Variants in RLIM observed in about 807,000 individuals in gnomAD.
RLIM encodes ring finger protein, LIM domain interacting, also known as E3 ubiquitin-protein ligase RLIM.
RLIM carries 2 observed loss-of-function variants against 34.0 expected under a neutral mutation model. The observed-to-expected ratio is 0.06, with a 90% CI of 0.02 to 0.19. The LOEUF is 0.19. Ranked by LOEUF, RLIM falls within the 10% of genes least tolerant of loss-of-function variation. RLIM has a pLI of 1.00. For missense variants in RLIM, 286 were observed against 479.7 expected (o/e 0.60, Z 3.77); for synonymous variants, 169 against 164.0 (o/e 1.03, Z -0.23).
intron 1 of RLIM, among the ~76,000 whole-genome samples, chrX:74,610,232 C>T (rs2079702951): frequency 1.8e-5 from 2 of 111,059 alleles, no homozygotes; most frequent in Admixed American, 1.9e-4. Flanking sequence ...GCTTGGCCAA[C>T]ATGGTGAAAC....
intron 1 of RLIM, among the ~76,000 whole-genome samples, chrX:74,605,996 C>T (rs938836500): frequency 1.8e-5 from 2 of 111,800 alleles, no homozygotes; most frequent in African/African-American, 3.3e-5. Context: ...CCCAACATAT[C>T]CCAAGACTCT....
At chrX:74,606,041 T>C (rs191740656) in intron 1 of RLIM, among the ~76,000 whole-genome samples, 10 of 112,154 alleles carry the variant, frequency 8.9e-5, no homozygotes, top group African/African-American at 2.6e-4. Context: ...TCAATCCCAA[T>C]AGGTATGACT....
intron 1 of RLIM, among the ~76,000 whole-genome samples, chrX:74,610,617 C>G (rs578096343): frequency 3.6e-5 from 4 of 110,725 alleles, no homozygotes; most frequent in African/African-American, 1.3e-4. Context: ...ATTGGCCAGT[C>G]GCGGTGGCTC....
intron 1 of RLIM, among the ~76,000 whole-genome samples, chrX:74,596,574 C>A (rs2079641130): frequency 8.9e-6 from 1 of 112,180 alleles, no homozygotes; most frequent in Admixed American, 9.5e-5. Flanking sequence ...ATTCTCCTTG[C>A]AACCTAAGAA....
In RLIM at chrX:74,590,519, T is replaced by C. The variant is rs1341645223; in HGVS notation, c.*921A>G. On this transcript the variant is annotated 3_prime_UTR_variant, in exon 4 of 4. Transcript: ENST00000332687. ...AACACGGTTTAATTCTGCACTGTCC[T>C]TTCCTTTGCATGTCACAGTAGCTGT... 8.9e-6 allele frequency: 1 copy of C among 112,761 alleles called. No homozygotes were observed. The highest frequency in any genetic ancestry group is 9.5e-5 in the Admixed American group (1 of 10,561). 9.3% of individuals were successfully genotyped at this position (112,761 alleles called of 1,213,427 possible). A position where few individuals can be genotyped will look rare whatever the true frequency, so the allele number is the denominator to read the frequency against.
intron 2 of RLIM, among the ~76,000 whole-genome samples, chrX:74,594,897 T>TA (rs1169273208): frequency 0.12 from 6,985 of 59,550 alleles, 843 homozygotes; most frequent in East Asian, 0.79. Flanking sequence ...AGACTCTGCT[T>TA]AAAAAAAAAA....
chrX:74,596,002 TG>T lies in RLIM; in HGVS notation c.-23-3del. 9.1e-7 allele frequency: 1 copy of T among 1,094,279 alleles called. No individual in the cohort carries two copies. The highest frequency in any genetic ancestry group is 1.2e-6 in the Non-Finnish European group (1 of 818,045). 90.2% of individuals were successfully genotyped at this position (1,094,279 alleles called of 1,213,427 possible). On this transcript the variant is annotated splice_polypyrimidine_tract_variant and splice_region_variant and intron_variant, in intron 1 of 3. Transcript: ENST00000332687. ...TATTGATGAACAAGTGGAAAATACC[TG>T]AAAAGAGAAAAGAGACTAATCTTGA...
chrX:74,610,591 T>C (rs776745228), intron 1 of RLIM, among the ~76,000 whole-genome samples: 3 of 109,702 alleles, frequency 2.7e-5, no homozygotes, highest in Non-Finnish European at 5.7e-5. Flanking sequence ...TTGAGGTATA[T>C]TTAAAAAATA....
chrX:74,600,889 C>G (rs1407831761), intron 1 of RLIM, among the ~76,000 whole-genome samples: 1 of 107,260 alleles, frequency 9.3e-6, no homozygotes, highest in African/African-American at 3.4e-5. Context: ...GCGTGGTGGC[C>G]CATGCGTGTA....
rs2079587724 is a variant in RLIM, at chrX:74,586,534, T to C, written c.*4906A>G. On this transcript the variant is annotated 3_prime_UTR_variant, in exon 4 of 4. Transcript: ENST00000332687. Reference sequence around the variant, plus strand: ...TTCAGATCTGATCAAGACATGAGAATTATAAAACCGATACAAACTGTTCTG... The same window carrying C: ...TTCAGATCTGATCAAGACATGAGAACTATAAAACCGATACAAACTGTTCTG... 1 of 112,316 alleles carries C rather than the reference T, an allele frequency of 8.9e-6. No individual in the cohort carries two copies. Among genetic ancestry groups the C allele is most frequent in the African/African-American group, 3.2e-5 (1 of 30,936 alleles). The allele number at this position is 112,316 out of a possible 1,213,427, so 9.3% of individuals were successfully genotyped here.
At position 74,595,650 on chromosome X, in the gene RLIM, T is replaced by C. The variant is rs554243337; in HGVS notation, c.169+159A>G. 5.2e-4 allele frequency among the ~76,000 whole-genome samples: 58 copies of C among 112,377 alleles called. 1 individual carries two copies. In the South Asian group the frequency reaches 0.018, roughly 35 times the overall value. ...GTGTAATTCCAAACATCAGTAAATA[T>C]AATCAGGTAATAAATACAGCAATAA... On this transcript the variant is annotated intron_variant, in intron 2 of 3. Coordinates refer to ENST00000332687, the MANE Select transcript of RLIM (RefSeq NM_016120.4).
Position 74,604,770 on chromosome X carries a change from G to A in RLIM, c.-23-8770C>T, listed in dbSNP as rs138556107. Among the ~76,000 whole-genome samples the A allele has an allele frequency of 5.8e-3, 643 of 111,087 alleles. 7 individuals carry two copies. The highest frequency in any genetic ancestry group is 0.019 in the African/African-American group (572 of 30,632). On this transcript the variant is annotated intron_variant, in intron 1 of 3. Transcript: ENST00000332687. ...CTCCTGCTTGATGAGCTTGGATTCCGTTCCATGAAAGAGGGAATTCTAAAT... is the reference window on the plus strand; with the variant it reads ...CTCCTGCTTGATGAGCTTGGATTCCATTCCATGAAAGAGGGAATTCTAAAT...
chrX:74,593,095 A>T, intron 3 of RLIM, 34 bp from the exon 4 acceptor site: 1 of 1,162,191 alleles, frequency 8.6e-7, no homozygotes, highest in Middle Eastern at 2.4e-4. Flanking sequence ...GAGGGAGAAA[A>T]AGGAACTACT....
intron 1 of RLIM, among the ~76,000 whole-genome samples, chrX:74,613,323 C>CA (rs1231323100): frequency 3.6e-5 from 4 of 110,229 alleles, no homozygotes; most frequent in Non-Finnish European, 7.6e-5. Flanking sequence ...TTACTTCTGG[C>CA]AAAAAATCAT....
At position 74,583,073 on chromosome X, in the gene RLIM, G is replaced by C. The variant is rs1931248873; in HGVS notation, c.*8367C>G. 1 of 1,042,830 alleles carries C rather than the reference G, an allele frequency of 9.6e-7. No individual in the cohort carries two copies. Among genetic ancestry groups the C allele is most frequent in the Non-Finnish European group, 1.3e-6 (1 of 743,174 alleles). The allele number at this position is 1,042,830 out of a possible 1,213,427, so 85.9% of individuals were successfully genotyped here. On this transcript the variant is annotated 3_prime_UTR_variant, in exon 4 of 4. Coordinates refer to ENST00000332687, the MANE Select transcript of RLIM (RefSeq NM_016120.4). ...TGGTGAAGCACAAGTTTCTTTTCGT[G>C]GTCCCTGATCAATTTTAAACAGTTG...
chrX:74,593,749 T>A (rs1417928265), intron 3 of RLIM, among the ~76,000 whole-genome samples: 2 of 112,182 alleles, frequency 1.8e-5, no homozygotes, highest in Non-Finnish European at 3.8e-5. Flanking sequence ...TACTTGACAC[T>A]GGGAGGGAAA....
rs1602161935 is a variant in RLIM, at chrX:74,592,008, T to C, written c.1307A>G (p.Asn436Ser). 8.3e-7 allele frequency: 1 copy of C among 1,211,815 alleles called. No homozygotes were observed. The highest frequency in any genetic ancestry group is 1.1e-6 in the Non-Finnish European group (1 of 895,522). ...ACTCCGTGACTCTGCCCTTTCCATA[T>C]TTCGATTTGAGACTGAGCCAGTAGG... ...SEPTGSVSNR[N>S]MERAESRSGR... The change falls in exon 4 of 4, where the codon AAT becomes AGT. Residue 436 changes from asparagine (N) to serine (S), a missense_variant. By Grantham distance (46) the Asn-to-Ser change is conservative (BLOSUM62 1). Transcript: ENST00000332687.
Position 74,585,543 on chromosome X carries a change from T to A in RLIM, c.*5897A>T. ...TATATTTTAAATCTGCAGTATGACA[T>A]CTTACATAGGGAAAAAAGCTTCTTC... is the stretch of plus-strand genomic sequence containing the variant. On this transcript the variant is annotated 3_prime_UTR_variant, in exon 4 of 4. Coordinates refer to ENST00000332687, the MANE Select transcript of RLIM (RefSeq NM_016120.4). 1.8e-5 allele frequency: 2 copies of A among 112,179 alleles called. No individual in the cohort carries two copies. The highest frequency in any genetic ancestry group is 4.7e-3 in the Middle Eastern group (1 of 214). The allele number at this position is 112,179 out of a possible 1,213,427, so 9.2% of individuals were successfully genotyped here.
chrX:74,600,221 T>C (rs1267755567), intron 1 of RLIM, among the ~76,000 whole-genome samples: 1 of 110,455 alleles, frequency 9.1e-6, no homozygotes, highest in Non-Finnish European at 1.9e-5. Context: ...TACTTTATAA[T>C]ACTTGAAACT....
Sources: gnomAD v4.1 joint callset for allele counts (sites outside exome capture counted in the v4.1 genomes callset) on GRCh38, gnomAD v4.1.1 for gene constraint, MANE v1.5 for transcripts, NCBI Gene and HGNC (gene_info 2026-07-23, HGNC 2026-07-21) for gene names.